Variants in LETM1 observed in about 807,000 individuals in gnomAD.
LETM1 encodes leucine zipper and EF-hand containing transmembrane protein 1.
Under a neutral mutation model 74.5 loss-of-function variants are expected in LETM1, and 50 were observed. The observed-to-expected ratio is 0.67, with a 90% CI of 0.53 to 0.85. The LOEUF (loss-of-function observed/expected upper bound fraction) is 0.85, where lower values mean the gene tolerates loss of function less well. Ranked by LOEUF, LETM1 falls within the 40% of genes least tolerant of loss-of-function variation. The pLI, the probability that LETM1 is intolerant of heterozygous loss-of-function variation, is 0.00. For synonymous variants in LETM1, 446 were observed against 407.1 expected, an observed-to-expected ratio of 1.10 and a Z score of -1.15; for missense variants, 824 against 967.8, an observed-to-expected ratio of 0.85 and a Z score of 1.97.
At chr4:1,838,861 T>C (rs1712580560) in intron 3 of LETM1, among the ~76,000 whole-genome samples, 1 of 152,124 alleles carries the variant, frequency 6.6e-6, no homozygotes, top group Non-Finnish European at 1.5e-5. Context: ...TGGTGTCCCA[T>C]GGCTCTCACA....
rs1337814828 is a variant in LETM1, at chr4:1,841,666, G to A, written c.275C>T (p.Ser92Phe). Residue 92 changes from serine (S) to phenylalanine (F), a missense_variant, in exon 3 of 14, where the codon TCT (serine) becomes TTT (phenylalanine). Coordinates refer to ENST00000302787, the MANE Select transcript of LETM1 (RefSeq NM_012318.3). ...AGGTCCCACAGCCACAAAACCCACAGAGGTAGAGGTCCATGGCGCTCTCGA... is the reference window on the plus strand; with the variant it reads ...AGGTCCCACAGCCACAAAACCCACAAAGGTAGAGGTCCATGGCGCTCTCGA... ...IVSRAPWTST[S>F]VGFVAVGPQC... 2 of 1,614,112 alleles carry A rather than the reference G, an allele frequency of 1.2e-6. No individual in the cohort carries two copies. Among genetic ancestry groups the A allele is most frequent in the Non-Finnish European group, 1.7e-6 (2 of 1,180,052 alleles).
At chr4:1,835,073 C>T (rs1712415728) in intron 4 of LETM1, 91 bp from the exon 5 acceptor site, 1 of 1,243,426 alleles carries the variant, frequency 8.0e-7, no homozygotes, top group Non-Finnish European at 1.1e-6. Context: ...ACCCCCACTC[C>T]CAGAAACATT....
At chr4:1,821,538 A>C (rs1452484595) in intron 10 of LETM1, among the ~76,000 whole-genome samples, 1 of 151,844 alleles carries the variant, frequency 6.6e-6, no homozygotes, top group Admixed American at 6.6e-5. Context: ...AAAATACAAA[A>C]ATTTGCTGGG....
At chr4:1,832,968 G>A (rs1351998526) in intron 5 of LETM1, 21 bp from the exon 6 acceptor site, 5 of 1,610,728 alleles carry the variant, frequency 3.1e-6, no homozygotes, top group South Asian at 2.2e-5. Context: ...GGTCACAAGG[G>A]TCATCCCCGG....
chr4:1,851,054 T>C (rs1175557718), intron 1 of LETM1, among the ~76,000 whole-genome samples: 4 of 152,192 alleles, frequency 2.6e-5, no homozygotes, highest in Admixed American at 1.3e-4. Context: ...TTTTTGATGC[T>C]TTCCCTAACT....
intron 2 of LETM1, among the ~76,000 whole-genome samples, chr4:1,848,397 A>G (rs1712954876): frequency 1.3e-5 from 2 of 151,758 alleles, no homozygotes; most frequent in African/African-American, 4.8e-5. Flanking sequence ...AAATACAAAA[A>G]ATTAGCCGGG....
At chr4:1,844,957 C>T (rs890162464) in intron 2 of LETM1, among the ~76,000 whole-genome samples, 6 of 151,042 alleles carry the variant, frequency 4.0e-5, no homozygotes, top group Non-Finnish European at 8.8e-5. Context: ...TTTGAGAGGC[C>T]GAGGCGGGCA....
At chr4:1,851,274 G>C (rs1420555984) in intron 1 of LETM1, among the ~76,000 whole-genome samples, 1 of 152,142 alleles carries the variant, frequency 6.6e-6, no homozygotes, top group Non-Finnish European at 1.5e-5. Context: ...CAGTGACCTT[G>C]AACCTCCAAG....
intron 11 of LETM1, among the ~76,000 whole-genome samples, chr4:1,817,422 G>A (rs1367546324): frequency 2.6e-5 from 4 of 151,638 alleles, no homozygotes; most frequent in Non-Finnish European, 4.4e-5. Flanking sequence ...TTAGCCAGGC[G>A]TGGTGGTGCA....
intron 11 of LETM1, among the ~76,000 whole-genome samples, chr4:1,818,419 CT>C (rs1273460142): frequency 6.6e-6 from 1 of 152,002 alleles, no homozygotes; most frequent in Non-Finnish European, 1.5e-5. Context: ...CGAGACCAGC[CT>C]GGTCAACATG....
Position 1,849,131 on chromosome 4 carries a change from T to G in LETM1, c.143+18A>C, listed in dbSNP as rs1712982916. 6.3e-7 allele frequency: 1 copy of G among 1,589,148 alleles called. No individual in the cohort carries two copies. The highest frequency in any genetic ancestry group is 1.7e-5 in the Admixed American group (1 of 59,972). On this transcript the variant is annotated intron_variant, in intron 2 of 13. Transcript: ENST00000302787. ...TGTTTTCAAACAGACAGGTGCAGAG[T>G]GATACTGATTTACTCACAGGCAGTT...
At chr4:1,838,539 T>A (rs1453998402) in intron 3 of LETM1, among the ~76,000 whole-genome samples, 1 of 152,148 alleles carries the variant, frequency 6.6e-6, no homozygotes, top group East Asian at 1.9e-4. Context: ...TAGCCTGGCA[T>A]GACAGCGTGC....
intron 10 of LETM1, among the ~76,000 whole-genome samples, chr4:1,821,587 C>G (rs1711776639): frequency 6.6e-6 from 1 of 152,128 alleles, no homozygotes; most frequent in South Asian, 2.1e-4. Flanking sequence ...TATTGGGAGG[C>G]TGAGGCAGAA....
At chr4:1,824,718 G>GC (rs942881950) in intron 7 of LETM1, among the ~76,000 whole-genome samples, 2 of 152,202 alleles carry the variant, frequency 1.3e-5, no homozygotes, top group African/African-American at 4.8e-5. Context: ...GACAGCACCT[G>GC]CCCCCCTGCT....
chr4:1,815,870 C>A (rs1711554787), intron 12 of LETM1, 68 bp from the exon 13 acceptor site: 1 of 1,581,200 alleles, frequency 6.3e-7, no homozygotes, highest in Non-Finnish European at 8.6e-7. Flanking sequence ...ACTGCCCACA[C>A]CTGTGGCTGC....
chr4:1,846,978 G>T (rs557826129), intron 2 of LETM1, among the ~76,000 whole-genome samples: 6 of 152,234 alleles, frequency 3.9e-5, no homozygotes, highest in South Asian at 4.1e-4. Context: ...ATAATGAAAA[G>T]AATTAATGAA....
chr4:1,830,601 TG>T (rs1396992603), intron 6 of LETM1, among the ~76,000 whole-genome samples: 1 of 152,236 alleles, frequency 6.6e-6, no homozygotes, highest in Admixed American at 6.5e-5. Context: ...CCCACAGTGC[TG>T]GGATTATAGA....
intron 7 of LETM1, 91 bp from the exon 8 acceptor site, chr4:1,823,866 T>G: frequency 7.2e-6 from 10 of 1,387,946 alleles, no homozygotes; most frequent in South Asian, 1.4e-5. Flanking sequence ...AGAATAGCTC[T>G]CAGAGAAGAC....
At chr4:1,855,764 C>A (rs1482348424) in intron 1 of LETM1, 105 bp downstream of exon 1, 2 of 680,560 alleles carry the variant, frequency 2.9e-6, no homozygotes, top group Middle Eastern at 5.0e-4. Flanking sequence ...CCGGGACCAC[C>A]GGGCTCCCCG....
Sources: allele counts gnomAD v4.1 joint callset (sites outside exome capture counted in the v4.1 genomes callset), GRCh38; gene constraint gnomAD v4.1.1; transcripts MANE v1.5; gene names NCBI Gene and HGNC (gene_info 2026-07-23, HGNC 2026-07-21).